Variants in CTNNBIP1 observed in about 807,000 individuals in gnomAD.
The protein encoded by CTNNBIP1 is catenin beta interacting protein 1.
A neutral mutation model predicts 11.8 loss-of-function variants in CTNNBIP1; 7 were observed. That is an observed-to-expected ratio of 0.60 (90% CI 0.34 to 1.12). The LOEUF is 1.12. Among genes scored for constraint, CTNNBIP1 ranks in the 50% most tolerant of loss-of-function variants. The pLI, the probability that CTNNBIP1 is intolerant of heterozygous loss-of-function variation, is 0.03. For missense variants in CTNNBIP1, 101 were observed against 113.4 expected (o/e 0.89, Z 0.50); for synonymous variants, 58 against 43.9 (o/e 1.32, Z -1.26).
At chr1:9,886,113 T>TTTTTTTTTTTTTTTTTTTTGAGACGG (rs1639183369) in intron 1 of CTNNBIP1, among the ~76,000 whole-genome samples, 1 of 152,170 alleles carries the variant, frequency 6.6e-6, no homozygotes, top group African/African-American at 2.4e-5. Flanking sequence ...CAAAGGCTTT[T>TTTTTTTTTTTTTTTTTTTTGAGACGG]AATACCCTCA....
intron 3 of CTNNBIP1, among the ~76,000 whole-genome samples, chr1:9,876,260 C>T (rs1375018742): frequency 6.6e-6 from 1 of 152,152 alleles, no homozygotes; most frequent in African/African-American, 2.4e-5. Flanking sequence ...GGCGCTTCCA[C>T]TCCAAATCCT....
Position 9,872,909 on chromosome 1 carries a change from C to G in CTNNBIP1, c.-24-821G>C, listed in dbSNP as rs1330375275. Among the ~76,000 whole-genome samples, 1 of 152,142 alleles carries G rather than the reference C, an allele frequency of 6.6e-6. No homozygotes were observed. Among genetic ancestry groups the G allele is most frequent in the Admixed American group, 6.5e-5 (1 of 15,278 alleles). On this transcript the variant is annotated intron_variant, in intron 3 of 5. Coordinates refer to ENST00000377263, the MANE Select transcript of CTNNBIP1 (RefSeq NM_020248.3). This position sits in a 1 kb window ranked among gnomAD's most constrained non-coding sequence, Gnocchi z 4.0. Reference sequence around the variant, plus strand: ...ACACACTGGTAACTCCTGGATGAGTCAGAAATAACGCAGCAGCTGCTGGGG... The same window carrying G: ...ACACACTGGTAACTCCTGGATGAGTGAGAAATAACGCAGCAGCTGCTGGGG...
At chr1:9,853,164 G>A (rs1387525670) in intron 5 of CTNNBIP1, among the ~76,000 whole-genome samples, 1 of 152,198 alleles carries the variant, frequency 6.6e-6, no homozygotes, top group Non-Finnish European at 1.5e-5. Flanking sequence ...AGAGGAAAAG[G>A]CCTGAGGAGC....
At chr1:9,860,478 C>T (rs1638602868) in intron 5 of CTNNBIP1, among the ~76,000 whole-genome samples, 1 of 146,504 alleles carries the variant, frequency 6.8e-6, no homozygotes, top group Non-Finnish European at 1.5e-5. Context: ...GGCGTAGTGG[C>T]ATATGCCTGT....
intron 1 of CTNNBIP1, among the ~76,000 whole-genome samples, chr1:9,899,672 T>A (rs1350975594): frequency 6.6e-6 from 1 of 151,440 alleles, no homozygotes; most frequent in Non-Finnish European, 1.5e-5. Context: ...GGCAAGGGAA[T>A]CACTTGAACC....
intron 5 of CTNNBIP1, among the ~76,000 whole-genome samples, chr1:9,864,422 G>A (rs1008819692): frequency 3.3e-5 from 5 of 152,216 alleles, no homozygotes; most frequent in Non-Finnish European, 4.4e-5. Context: ...TCCGCCTCCC[G>A]GGTTCACGCC....
chr1:9,881,869 C>T (rs528372521), intron 2 of CTNNBIP1, among the ~76,000 whole-genome samples: 9 of 152,250 alleles, frequency 5.9e-5, no homozygotes, highest in Non-Finnish European at 1.0e-4. Flanking sequence ...GAACTGGGGC[C>T]GTGACACTGA....
intron 1 of CTNNBIP1, among the ~76,000 whole-genome samples, chr1:9,894,062 C>A (rs746620470): frequency 5.9e-5 from 9 of 151,770 alleles, no homozygotes; most frequent in Non-Finnish European, 1.3e-4. Context: ...TTTTTTTCTT[C>A]CTCCTCACCT....
chr1:9,860,156 C>T (rs1032859883), intron 5 of CTNNBIP1, among the ~76,000 whole-genome samples: 4 of 151,940 alleles, frequency 2.6e-5, no homozygotes, highest in African/African-American at 9.7e-5. Flanking sequence ...GATGAGGGTA[C>T]AAAAAAGCCT....
At chr1:9,877,452 G>T (rs1176842740) in intron 3 of CTNNBIP1, among the ~76,000 whole-genome samples, 5 of 152,212 alleles carry the variant, frequency 3.3e-5, no homozygotes. Context: ...CTGCTAGGAA[G>T]ATGTCAAGTA....
rs941619483 is a variant in CTNNBIP1, at chr1:9,883,215, C to A, written c.-110+490G>T. On this transcript the variant is annotated intron_variant, in intron 2 of 5. Coordinates refer to ENST00000377263, the MANE Select transcript of CTNNBIP1 (RefSeq NM_020248.3). This position sits in a 1 kb window ranked among gnomAD's most constrained non-coding sequence, Gnocchi z 5.6. ...ATTGGGCCCTGGTCAGGAGATGACT[C>A]GGGCAGAGTGGTCTCCCAGGAAGAC... is the stretch of plus-strand genomic sequence containing the variant. Among the ~76,000 whole-genome samples, 1 of 152,140 alleles carries A rather than the reference C, an allele frequency of 6.6e-6. No individual in the cohort carries two copies. The highest frequency in any genetic ancestry group is 2.4e-5 in the African/African-American group (1 of 41,430).
Position 9,872,185 on chromosome 1 carries a change from G to C in CTNNBIP1, c.-24-97C>G. On this transcript the variant is annotated intron_variant, in intron 3 of 5. Transcript: ENST00000377263. This position sits in a 1 kb window ranked among gnomAD's most constrained non-coding sequence, Gnocchi z 4.0. ...GTGACCCTCACTCCTCCCAGGAGCC[G>C]CTTTCCACCCACAGTCTCCCTTCTG... is the stretch of plus-strand genomic sequence containing the variant. 1 of 743,104 alleles carries C rather than the reference G, an allele frequency of 1.3e-6. No individual in the cohort carries two copies. The highest frequency in any genetic ancestry group is 2.3e-6 in the Non-Finnish European group (1 of 434,430). 46.0% of individuals were successfully genotyped at this position (743,104 alleles called of 1,614,324 possible).
chr1:9,902,787 A>G (rs892929189), intron 1 of CTNNBIP1, among the ~76,000 whole-genome samples: 1 of 150,502 alleles, frequency 6.6e-6, no homozygotes, highest in African/African-American at 2.4e-5. Flanking sequence ...TTTTTTTGAG[A>G]CAGAGTCTCA....
intron 1 of CTNNBIP1, among the ~76,000 whole-genome samples, chr1:9,890,627 A>C (rs551259085): frequency 6.6e-6 from 1 of 152,260 alleles, no homozygotes; most frequent in African/African-American, 2.4e-5. Flanking sequence ...TCTTCTATTT[A>C]TAAGCCAATG....
At chr1:9,865,854 A>G (rs1360874190) in intron 5 of CTNNBIP1, among the ~76,000 whole-genome samples, 1 of 152,178 alleles carries the variant, frequency 6.6e-6, no homozygotes, top group African/African-American at 2.4e-5. Flanking sequence ...ACTACGCATT[A>G]GAGGGAGCCA....
chr1:9,906,663 A>T (rs1158534225), intron 1 of CTNNBIP1, among the ~76,000 whole-genome samples: 1 of 152,184 alleles, frequency 6.6e-6, no homozygotes, highest in African/African-American at 2.4e-5. Context: ...AAGGATGGAG[A>T]GAGCAGATCC....
chr1:9,902,122 C>A, intron 1 of CTNNBIP1, among the ~76,000 whole-genome samples: 1 of 152,094 alleles, frequency 6.6e-6, no homozygotes, highest in East Asian at 1.9e-4. Flanking sequence ...TATATATTGA[C>A]CCAAAATGGG....
At chr1:9,861,848 G>A (rs1459292511) in intron 5 of CTNNBIP1, among the ~76,000 whole-genome samples, 2 of 152,232 alleles carry the variant, frequency 1.3e-5, no homozygotes, top group Non-Finnish European at 2.9e-5. Flanking sequence ...GGAAGTCCCT[G>A]CACATCTAGC....
intron 5 of CTNNBIP1, among the ~76,000 whole-genome samples, chr1:9,861,651 C>T (rs1638629174): frequency 6.6e-6 from 1 of 152,218 alleles, no homozygotes; most frequent in African/African-American, 2.4e-5. Context: ...TGTGGACGTG[C>T]ATCGAGCTGC....
Sources: allele counts gnomAD v4.1 joint callset (sites outside exome capture counted in the v4.1 genomes callset), GRCh38; gene constraint gnomAD v4.1.1; non-coding constraint Gnocchi (gnomAD v3.1); transcripts MANE v1.5; gene names NCBI Gene and HGNC (gene_info 2026-07-23, HGNC 2026-07-21).